The following GABPA variants were observed in gnomAD, a reference collection of about 807,000 sequenced individuals.
GABPA encodes GA-binding protein alpha chain.
In GABPA, 4 loss-of-function variants were observed where a neutral mutation model predicts 59.4. The ratio of observed to expected loss-of-function variants is 0.07; its 90% CI spans 0.03 to 0.15. The LOEUF (loss-of-function observed/expected upper bound fraction) is 0.15. Among genes scored for constraint, GABPA ranks in the 10% least tolerant of loss-of-function variants. The pLI is 1.00. For missense variants in GABPA, 251 were observed against 543.8 expected (o/e 0.46, Z 5.36); for synonymous variants, 164 against 183.1 (o/e 0.90, Z 0.84).
chr21:25,751,966 AT>A (rs762663519), intron 4 of GABPA, 22 bp from the exon 5 acceptor site: 49 of 1,589,590 alleles, frequency 3.1e-5, no homozygotes, highest in South Asian at 1.6e-4. Context: ...TAGATTTACA[AT>A]TTTTTTTTAT....
At chr21:25,761,597 C>A (rs2035768103) in intron 6 of GABPA, among the ~76,000 whole-genome samples, 1 of 152,158 alleles carries the variant, frequency 6.6e-6, no homozygotes, top group Non-Finnish European at 1.5e-5. Flanking sequence ...AAGAGAGAGG[C>A]ATGCAATTTG....
chr21:25,749,785 T>C (rs985396420), intron 4 of GABPA, among the ~76,000 whole-genome samples: 4 of 152,166 alleles, frequency 2.6e-5, no homozygotes, highest in African/African-American at 9.7e-5. Context: ...GAGCAGAGAT[T>C]GTGTCACTAC....
intron 9 of GABPA, among the ~76,000 whole-genome samples, chr21:25,765,027 T>C (rs2035857135): frequency 6.6e-6 from 1 of 151,734 alleles, no homozygotes; most frequent in African/African-American, 2.4e-5. Flanking sequence ...TATAATACTC[T>C]GTCCCAAAAA....
At chr21:25,768,886 A>C in intron 9 of GABPA, 118 bp from the exon 10 acceptor site, 1 of 649,012 alleles carries the variant, frequency 1.5e-6, no homozygotes, top group South Asian at 1.9e-5. Context: ...TTCAATATTA[A>C]TTGCTATTGT....
chr21:25,736,779 T>G (rs1379782413), intron 1 of GABPA, among the ~76,000 whole-genome samples: 1 of 152,228 alleles, frequency 6.6e-6, no homozygotes, highest in Admixed American at 6.5e-5. Context: ...TCCCAACTGT[T>G]AATCTTTCAC....
intron 7 of GABPA, chr21:25,763,346 G>A (rs1374943058): frequency 3.8e-6 from 1 of 262,288 alleles, no homozygotes; most frequent in East Asian, 1.1e-4. Context: ...TTTACCTGAG[G>A]TACGAACACA....
chr21:25,767,475 T>G (rs1182766948), intron 9 of GABPA, among the ~76,000 whole-genome samples: 1 of 152,014 alleles, frequency 6.6e-6, no homozygotes, highest in African/African-American at 2.4e-5. Flanking sequence ...TATACAGTTG[T>G]GTGATGCATC....
chr21:25,761,017 A>C lies in GABPA; in HGVS notation c.749-1295A>C, dbSNP rs564706379. Among the ~76,000 whole-genome samples, 36 of 152,154 alleles carry C rather than the reference A, an allele frequency of 2.4e-4. No individual in the cohort carries two copies. In the South Asian group the frequency reaches 4.4e-3, roughly 18 times the overall value. Reference sequence around the variant, plus strand: ...GTGATGCTTTCGTTTGCCTCTTTTGAGGCTAGGTTCCTTTAGTCTCAAATA... The same window carrying C: ...GTGATGCTTTCGTTTGCCTCTTTTGCGGCTAGGTTCCTTTAGTCTCAAATA... On this transcript the variant is annotated intron_variant, in intron 6 of 9. Coordinates refer to ENST00000400075, the MANE Select transcript of GABPA (RefSeq NM_002040.4).
At chr21:25,755,720 C>T (rs1299893619) in intron 5 of GABPA, among the ~76,000 whole-genome samples, 2 of 152,094 alleles carry the variant, frequency 1.3e-5, no homozygotes, top group Non-Finnish European at 2.9e-5. Flanking sequence ...TTCCCGGTGT[C>T]CACATGTGTG....
chr21:25,754,445 A>G (rs2035585082), intron 5 of GABPA, among the ~76,000 whole-genome samples: 1 of 151,810 alleles, frequency 6.6e-6, no homozygotes, highest in Admixed American at 6.6e-5. Context: ...TTTATTTTTC[A>G]TCTTACCTAT....
Position 25,764,632 on chromosome 21 carries a change from A to G in GABPA, c.981A>G (p.Leu327=), listed in dbSNP as rs2035846592. The G allele has an allele frequency of 6.2e-7, 1 of 1,611,644 alleles. No individual in the cohort carries two copies. Among genetic ancestry groups the G allele is most frequent in the Non-Finnish European group, 8.5e-7 (1 of 1,178,808 alleles). Residue 327 remains leucine (L), a synonymous_variant, in exon 9 of 10, where the codon CTA becomes CTG. Transcript: ENST00000400075. The part of the protein sequence containing the change: ...NGQIQLWQFL[L]ELLTDKDARD... ...AAATCCAACTATGGCAGTTTTTGCT[A>G]GAACTTCTTACTGATAAGGACGCTC...
intron 1 of GABPA, among the ~76,000 whole-genome samples, chr21:25,736,567 C>A (rs1054915559): frequency 6.6e-6 from 1 of 152,156 alleles, no homozygotes; most frequent in Admixed American, 6.5e-5. Flanking sequence ...TATACAAGAG[C>A]ATCTGTCATG....
chr21:25,760,477 T>C lies in GABPA; in HGVS notation c.749-1835T>C, dbSNP rs568254432. 1.4e-3 allele frequency among the ~76,000 whole-genome samples: 208 copies of C among 152,206 alleles called. No individual in the cohort carries two copies. The Middle Eastern group carries it at 0.017, about 12-fold the overall frequency. The stretch of plus-strand genomic sequence containing the variant: ...GTAGGGCTCCTTCTTCAGATATTTG[T>C]ATGAGATTATTCACCTGAGCCACCA... On this transcript the variant is annotated intron_variant, in intron 6 of 9. Transcript: ENST00000400075.
chr21:25,757,849 ATTTTTTTTTT>A (rs60518912), intron 5 of GABPA, among the ~76,000 whole-genome samples, 151 bp from the exon 6 acceptor site: 2 of 108,712 alleles, frequency 1.8e-5, no homozygotes, highest in South Asian at 3.1e-4. Flanking sequence ...TTACAGCATA[ATTTTTTTTTT>A]TTTTTTTTTT....
At chr21:25,741,550 A>G (rs1472642794) in intron 1 of GABPA, 23 bp from the exon 2 acceptor site, 3 of 1,329,042 alleles carry the variant, frequency 2.3e-6, no homozygotes, top group South Asian at 2.6e-5. Flanking sequence ...GTTTTAAAAT[A>G]TCTTAAAAAG....
chr21:25,755,844 A>G (rs1044503576), intron 5 of GABPA, among the ~76,000 whole-genome samples: 4 of 152,230 alleles, frequency 2.6e-5, no homozygotes, highest in South Asian at 2.1e-4. Context: ...CTTGCTACTC[A>G]GAACCACCAT....
At chr21:25,765,687 C>T (rs967303001) in intron 9 of GABPA, among the ~76,000 whole-genome samples, 3 of 151,760 alleles carry the variant, frequency 2.0e-5, no homozygotes, top group African/African-American at 4.8e-5. Context: ...AATGCTTATC[C>T]TTTACCATTC....
At chr21:25,752,331 G>A in intron 5 of GABPA, 97 bp downstream of exon 5, 1 of 1,216,488 alleles carries the variant, frequency 8.2e-7, no homozygotes, top group Non-Finnish European at 1.2e-6. Flanking sequence ...TACATGTAGA[G>A]TTATTAGGAT....
At chr21:25,746,928 G>T (rs533369978) in intron 3 of GABPA, among the ~76,000 whole-genome samples, 3 of 152,230 alleles carry the variant, frequency 2.0e-5, no homozygotes, top group African/African-American at 7.2e-5. Context: ...AATAGAATTC[G>T]AGGTAGCCAT....
Sources: allele counts gnomAD v4.1 joint callset (sites outside exome capture counted in the v4.1 genomes callset), GRCh38; gene constraint gnomAD v4.1.1; transcripts MANE v1.5; gene names NCBI Gene and HGNC (gene_info 2026-07-23, HGNC 2026-07-21).